Variants in ZMAT4 observed in about 807,000 individuals in gnomAD.
ZMAT4 encodes the protein zinc finger matrin-type 4, also known as zinc finger matrin-type protein 4.
ZMAT4 carries 17 observed loss-of-function variants against 28.7 expected under a neutral mutation model. The ratio of observed to expected loss-of-function variants is 0.59; its 90% CI spans 0.41 to 0.89. ZMAT4 has a LOEUF of 0.89. Among genes scored for constraint, ZMAT4 ranks in the 40% least tolerant of loss-of-function variants. The pLI, the probability that ZMAT4 is intolerant of heterozygous loss-of-function variation, is 0.00. For synonymous variants in ZMAT4, 117 were observed against 109.2 expected, an observed-to-expected ratio of 1.07 and a Z score of -0.44; for missense variants, 240 against 283.8, an observed-to-expected ratio of 0.85 and a Z score of 1.11.
At chr8:40,891,379 C>G (rs553582148) in intron 1 of ZMAT4, among the ~76,000 whole-genome samples, 4 of 150,606 alleles carry the variant, frequency 2.7e-5, no homozygotes, top group African/African-American at 9.8e-5. Context: ...CCCTTGGGTT[C>G]TCTCCATGGG....
chr8:40,538,851 T>G (rs749202758), intron 6 of ZMAT4, among the ~76,000 whole-genome samples: 1 of 152,180 alleles, frequency 6.6e-6, no homozygotes, highest in East Asian at 1.9e-4. Flanking sequence ...AGTGGCACCA[T>G]CTCAGCTCAC....
chr8:40,574,559 A>C (rs1474053528), intron 6 of ZMAT4, among the ~76,000 whole-genome samples: 1 of 152,190 alleles, frequency 6.6e-6, no homozygotes, highest in African/African-American at 2.4e-5. Flanking sequence ...CCCACAAAAA[A>C]AGAACCAAAA....
At position 40,837,993 on chromosome 8, in the gene ZMAT4, C is replaced by T. The variant is rs182006689; in HGVS notation, c.-4-12313G>A. On this transcript the variant is annotated intron_variant, in intron 1 of 6. Coordinates refer to ENST00000297737, the MANE Select transcript of ZMAT4 (RefSeq NM_024645.3). ...GCTTTGCCATCTTGTGAGGGGCAAA[C>T]GGAGCAGATGGCCCTGACCACTGGG... is the stretch of plus-strand genomic sequence containing the variant. 3.0e-3 allele frequency among the ~76,000 whole-genome samples: 452 copies of T among 152,308 alleles called. 2 individuals carry two copies. Among genetic ancestry groups the T allele is most frequent in the Non-Finnish European group, 5.6e-3 (379 of 68,022 alleles).
At chr8:40,823,301 G>C (rs1439872237) in intron 2 of ZMAT4, among the ~76,000 whole-genome samples, 1 of 152,082 alleles carries the variant, frequency 6.6e-6, no homozygotes, top group East Asian at 1.9e-4. Context: ...GTACTAATGG[G>C]AGGCTATGGA....
At chr8:40,582,435 A>T (rs1423564509) in intron 5 of ZMAT4, among the ~76,000 whole-genome samples, 1 of 152,148 alleles carries the variant, frequency 6.6e-6, no homozygotes, top group Admixed American at 6.6e-5. Context: ...GAGGTATGAC[A>T]GTGCTACTGC....
intron 1 of ZMAT4, among the ~76,000 whole-genome samples, chr8:40,833,918 C>T (rs1191656454): frequency 6.6e-6 from 1 of 152,226 alleles, no homozygotes; most frequent in African/African-American, 2.4e-5. Context: ...GATGCAGGTG[C>T]AAGCTCTGCT....
chr8:40,601,647 A>AAAGCAG (rs1805375134), intron 5 of ZMAT4, among the ~76,000 whole-genome samples: 1 of 28,324 alleles, frequency 3.5e-5, no homozygotes, highest in Admixed American at 2.9e-4. Context: ...AAAGAAAGAA[A>AAAGCAG]GAAAGAAAGA....
At chr8:40,863,273 T>C (rs1035160109) in intron 1 of ZMAT4, among the ~76,000 whole-genome samples, 2 of 151,378 alleles carry the variant, frequency 1.3e-5, no homozygotes, top group African/African-American at 2.4e-5. Flanking sequence ...TGGAAAATGC[T>C]CAGAAAGGAG....
At chr8:40,568,525 G>A (rs1803993683) in intron 6 of ZMAT4, among the ~76,000 whole-genome samples, 1 of 152,074 alleles carries the variant, frequency 6.6e-6, no homozygotes, top group African/African-American at 2.4e-5. Context: ...AAAATTCTGG[G>A]CATTTTCATA....
At chr8:40,804,741 T>G (rs1336642256) in intron 2 of ZMAT4, among the ~76,000 whole-genome samples, 1 of 151,834 alleles carries the variant, frequency 6.6e-6, no homozygotes, top group East Asian at 1.9e-4. Context: ...CTTGGGAGGC[T>G]GAGGCAGGAA....
intron 2 of ZMAT4, among the ~76,000 whole-genome samples, chr8:40,813,082 A>T (rs1278666242): frequency 6.6e-6 from 1 of 151,918 alleles, no homozygotes; most frequent in African/African-American, 2.4e-5. Flanking sequence ...TAAGATGTTA[A>T]CAATAGGGGA....
At chr8:40,597,517 T>C (rs930616533) in intron 5 of ZMAT4, among the ~76,000 whole-genome samples, 2 of 152,244 alleles carry the variant, frequency 1.3e-5, no homozygotes, top group Non-Finnish European at 2.9e-5. Context: ...GAAGCCTTTC[T>C]TGAGTGCTCC....
chr8:40,570,884 T>C (rs1175153647), intron 6 of ZMAT4, among the ~76,000 whole-genome samples: 1 of 152,166 alleles, frequency 6.6e-6, no homozygotes, highest in Non-Finnish European at 1.5e-5. Context: ...TTCTTTTCTT[T>C]CTTGATGCAA....
chr8:40,687,980 C>A (rs1809489721), intron 4 of ZMAT4, among the ~76,000 whole-genome samples: 1 of 152,126 alleles, frequency 6.6e-6, no homozygotes, highest in Non-Finnish European at 1.5e-5. Context: ...GACTGAGGAC[C>A]CTTAGCTTCC....
intron 5 of ZMAT4, among the ~76,000 whole-genome samples, chr8:40,649,723 A>G (rs1314081871): frequency 6.6e-6 from 1 of 151,990 alleles, no homozygotes; most frequent in Non-Finnish European, 1.5e-5. Flanking sequence ...ATAACAAACT[A>G]TCTCTCAGAC....
chr8:40,860,206 G>T (rs1357885323), intron 1 of ZMAT4, among the ~76,000 whole-genome samples: 1 of 152,158 alleles, frequency 6.6e-6, no homozygotes, highest in East Asian at 1.9e-4. Flanking sequence ...CAATTAAAAA[G>T]AAAATGATGA....
chr8:40,830,095 T>C (rs1318252596), intron 1 of ZMAT4, among the ~76,000 whole-genome samples: 3 of 152,146 alleles, frequency 2.0e-5, no homozygotes, highest in Admixed American at 6.5e-5. Flanking sequence ...TCCTTTCTGC[T>C]TCTTTCTGCT....
chr8:40,819,769 C>A (rs1021514795), intron 2 of ZMAT4, among the ~76,000 whole-genome samples: 17 of 152,042 alleles, frequency 1.1e-4, no homozygotes, highest in Non-Finnish European at 2.1e-4. Flanking sequence ...AAGAGTTCTT[C>A]CCGCTCTCTT....
At chr8:40,678,182 A>G (rs1280859914) in intron 4 of ZMAT4, among the ~76,000 whole-genome samples, 5 of 152,234 alleles carry the variant, frequency 3.3e-5, no homozygotes, top group Admixed American at 3.3e-4. Flanking sequence ...GAAGCATAAT[A>G]CATCCAACAG....
Sources: allele counts gnomAD v4.1 joint callset (sites outside exome capture counted in the v4.1 genomes callset), GRCh38; gene constraint gnomAD v4.1.1; transcripts MANE v1.5; gene names NCBI Gene and HGNC (gene_info 2026-07-23, HGNC 2026-07-21).